TRPM3: variants seen among roughly 807,000 people sequenced by gnomAD.
The protein encoded by TRPM3 is long transient receptor potential channel 3.
TRPM3 carries 77 observed loss-of-function variants against 181.2 expected under a neutral mutation model. The ratio of observed to expected loss-of-function variants is 0.42; its 90% confidence interval spans 0.35 to 0.51. The LOEUF (loss-of-function observed/expected upper bound fraction) is 0.51, where lower values mean the gene tolerates loss of function less well. TRPM3 is among the 20% of genes least tolerant of loss of function. The probability of loss-of-function intolerance (pLI) is 0.01; values close to 1 mark genes in which losing one functional copy is unlikely to be tolerated. For synonymous variants in TRPM3, 745 were observed against 796.4 expected (o/e 0.94, Z 1.09); for missense variants, 1,759 against 2,196.7 (o/e 0.80, Z 3.98).
chr9:70,758,576 A>G (rs2077502313), intron 8 of TRPM3, among the ~76,000 whole-genome samples: 1 of 152,184 alleles, frequency 6.6e-6, no homozygotes, highest in Admixed American at 6.5e-5. Flanking sequence ...CCTGGCTTCA[A>G]ACTATACTGG....
chr9:71,013,957 T>C (rs2134405604), intron 1 of TRPM3, among the ~76,000 whole-genome samples: 1 of 152,088 alleles, frequency 6.6e-6, no homozygotes, highest in Non-Finnish European at 1.5e-5. Flanking sequence ...ATTTTCTCCC[T>C]TCTGCTTTCT....
chr9:70,939,000 A>C (rs74346701), intron 1 of TRPM3, among the ~76,000 whole-genome samples: 26 of 152,124 alleles, frequency 1.7e-4, no homozygotes, highest in Admixed American at 6.5e-4. Flanking sequence ...TAAAAAAAAA[A>C]CATTCATTTC....
chr9:70,847,426 A>C (rs959299655), intron 3 of TRPM3, among the ~76,000 whole-genome samples: 3 of 152,168 alleles, frequency 2.0e-5, no homozygotes, highest in Non-Finnish European at 4.4e-5. Context: ...GGCATGAAAA[A>C]AGAATTATTG....
chr9:71,281,167 A>C (rs1175476541), intron 1 of TRPM3, among the ~76,000 whole-genome samples: 1 of 152,232 alleles, frequency 6.6e-6, no homozygotes, highest in Non-Finnish European at 1.5e-5. Context: ...CAAAGTCGGG[A>C]GGTGTGTCAA....
chr9:71,352,076 C>T (rs770829571), intron 1 of TRPM3, among the ~76,000 whole-genome samples: 8 of 151,956 alleles, frequency 5.3e-5, no homozygotes, highest in African/African-American at 1.7e-4. Flanking sequence ...GGGGTTTCAC[C>T]GTGTTAGCCA....
At chr9:70,581,597 TTAA>T (rs2055692704) in intron 22 of TRPM3, among the ~76,000 whole-genome samples, 1 of 152,238 alleles carries the variant, frequency 6.6e-6, no homozygotes, top group Admixed American at 6.5e-5. Flanking sequence ...TTGGTTGCTG[TTAA>T]TACAGATCAA....
At chr9:70,670,717 C>T (rs189094577) in intron 9 of TRPM3, among the ~76,000 whole-genome samples, 4 of 152,148 alleles carry the variant, frequency 2.6e-5, no homozygotes, top group Non-Finnish European at 5.9e-5. Flanking sequence ...TTTTAAAACC[C>T]GTTTCAGAAG....
chr9:71,296,477 T>A (rs1230708624), intron 1 of TRPM3, among the ~76,000 whole-genome samples: 1 of 151,984 alleles, frequency 6.6e-6, no homozygotes, highest in East Asian at 1.9e-4. Context: ...TGGGAAGAAA[T>A]CCCACCAGTT....
chr9:70,541,509 CT>C lies in TRPM3; in HGVS notation c.3708-4105del, dbSNP rs200435839. Among the ~76,000 whole-genome samples, 1,058 of 118,564 alleles carry C rather than the reference CT, an allele frequency of 8.9e-3. 14 individuals carry two copies. The highest frequency in any genetic ancestry group is 0.032 in the African/African-American group (985 of 31,000). The allele number at this position is 118,564 out of a possible 152,430, so 77.8% of individuals were successfully genotyped here. A position where few individuals can be genotyped will look rare whatever the true frequency, so the allele number is the denominator to read the frequency against. On this transcript the variant is annotated intron_variant, in intron 25 of 25. Transcript: ENST00000677713. ...TCATAACTAGACTGGTTCCTTTAATCTTTTTTTTTTTTTTTTTTTGAGATGG... is the reference window on the plus strand; with the variant it reads ...TCATAACTAGACTGGTTCCTTTAATCTTTTTTTTTTTTTTTTTTGAGATGG...
chr9:71,197,622 T>G (rs2131704939), intron 1 of TRPM3, among the ~76,000 whole-genome samples: 1 of 152,250 alleles, frequency 6.6e-6, no homozygotes, highest in South Asian at 2.1e-4. Flanking sequence ...TGATGGCCAG[T>G]GATGGTGAGC....
chr9:70,685,902 C>T (rs557733500), intron 8 of TRPM3, among the ~76,000 whole-genome samples: 37 of 150,684 alleles, frequency 2.5e-4, no homozygotes, highest in South Asian at 2.1e-3. Context: ...CTGTCATTTT[C>T]GTTCATTTTT....
chr9:71,175,692 C>T (rs62546789), intron 1 of TRPM3, among the ~76,000 whole-genome samples: 1 of 152,160 alleles, frequency 6.6e-6, no homozygotes, highest in South Asian at 2.1e-4. Context: ...AGACGGGTCG[C>T]ATAGGTTTTC....
chr9:70,740,914 CACG>C (rs1337965763), intron 8 of TRPM3, among the ~76,000 whole-genome samples: 7 of 152,298 alleles, frequency 4.6e-5, no homozygotes, highest in Admixed American at 3.9e-4. Context: ...GCAAAGACTT[CACG>C]ACAAGAACAC....
chr9:70,542,667 A>G (rs2131677544), intron 25 of TRPM3, among the ~76,000 whole-genome samples: 1 of 152,328 alleles, frequency 6.6e-6, no homozygotes, highest in Non-Finnish European at 1.5e-5. Flanking sequence ...TGCTTTTCTG[A>G]TAACCTCGAA....
intron 1 of TRPM3, among the ~76,000 whole-genome samples, chr9:70,917,793 C>T (rs1211520703): frequency 6.6e-6 from 1 of 151,632 alleles, no homozygotes; most frequent in African/African-American, 2.4e-5. Flanking sequence ...AGTCCTTACT[C>T]ATCAATAACA....
intron 1 of TRPM3, among the ~76,000 whole-genome samples, chr9:70,924,112 G>C (rs2096694670): frequency 6.6e-6 from 1 of 151,860 alleles, no homozygotes; most frequent in Non-Finnish European, 1.5e-5. Flanking sequence ...ATTTTTGGTT[G>C]TTCCTTGTGG....
intron 1 of TRPM3, among the ~76,000 whole-genome samples, chr9:71,353,093 C>T (rs1390284541): frequency 6.6e-6 from 1 of 152,126 alleles, no homozygotes; most frequent in Non-Finnish European, 1.5e-5. Context: ...TAGATTCTTA[C>T]CACCTGCTCT....
In TRPM3 at chr9:70,536,988, G is replaced by T. The variant is rs775568961; in HGVS notation, c.4125C>A (p.Ser1375Arg). The T allele has an allele frequency of 6.2e-7, 1 of 1,610,794 alleles. No individual in the cohort carries two copies. Among genetic ancestry groups the T allele is most frequent in the Non-Finnish European group, 8.5e-7 (1 of 1,177,332 alleles). Residue 1375 changes from serine (S) to arginine (R), a missense_variant, in exon 26 of 26, where the codon AGC becomes AGA. Transcript: ENST00000677713. Reference protein sequence around the residue: ...LESIFKERSLSLHRATSSHSV... With the variant: ...LESIFKERSLRLHRATSSHSV... The stretch of plus-strand genomic sequence containing the variant: ...AGTGGGAACTAGTAGCCCGGTGTAG[G>T]CTCAGGGACCTTTCTTTAAAAATAC...
chr9:71,116,479 A>G (rs1044980242), intron 1 of TRPM3, among the ~76,000 whole-genome samples: 2 of 152,236 alleles, frequency 1.3e-5, no homozygotes, highest in African/African-American at 4.8e-5. Flanking sequence ...GAAATCAACT[A>G]TAGAAGACAG....
Sources: allele counts gnomAD v4.1 joint callset (sites outside exome capture counted in the v4.1 genomes callset), GRCh38; gene constraint gnomAD v4.1.1; transcripts MANE v1.5; gene names NCBI Gene and HGNC (gene_info 2026-07-23, HGNC 2026-07-21).